The following DNAH1 variants were observed in gnomAD, a reference collection of about 807,000 sequenced individuals.
DNAH1 encodes axonemal beta dynein heavy chain 1.
A neutral mutation model predicts 484.3 loss-of-function variants in DNAH1; 327 were observed. The observed-to-expected ratio is 0.68, with a 90% CI of 0.62 to 0.74. The LOEUF is 0.74. DNAH1 is among the 30% of genes least tolerant of loss of function. The probability of loss-of-function intolerance (pLI) is 0.00; values close to 1 mark genes in which losing one functional copy is unlikely to be tolerated. For missense variants in DNAH1, 5,052 were observed against 5,546.8 expected (o/e 0.91, Z 2.83); for synonymous variants, 2,192 against 2,191.9 (o/e 1.00, Z 0.00).
chr3:52,337,284 C>T (rs571750548), intron 8 of DNAH1, among the ~76,000 whole-genome samples: 2 of 152,174 alleles, frequency 1.3e-5, no homozygotes, highest in South Asian at 4.2e-4. Flanking sequence ...TTTTGTTTCC[C>T]GAAACTTCAC....
At chr3:52,315,789 C>T (rs1054983111), upstream of DNAH1, among the ~76,000 whole-genome samples, 6 of 152,198 alleles carry the variant, frequency 3.9e-5, no homozygotes, top group African/African-American at 1.4e-4. Context: ...GGCAGGAAGA[C>T]CAAAGCCTGA....
chr3:52,312,314 A>G (rs1700800237), upstream of DNAH1, among the ~76,000 whole-genome samples: 2 of 152,022 alleles, frequency 1.3e-5, no homozygotes, highest in Non-Finnish European at 1.5e-5. Context: ...AGACGGGGGT[A>G]TCTTGGGTCA....
chr3:52,358,572 G>A lies in DNAH1; in HGVS notation c.4101G>A (p.Glu1367=), dbSNP rs932629353. 8.7e-6 allele frequency: 14 copies of A among 1,609,892 alleles called. No homozygotes were observed. The highest frequency in any genetic ancestry group is 1.2e-5 in the Non-Finnish European group (14 of 1,178,326). ...FENIARLLFQ[E]DLEITHMYSA... ...ACTGCTTGCAGCTGCTATTCCAGGAGGACCTGGAGATCACGCACATGTACT... is the reference window on the plus strand; with the variant it reads ...ACTGCTTGCAGCTGCTATTCCAGGAAGACCTGGAGATCACGCACATGTACT... Residue 1367 remains glutamate, a synonymous_variant, in exon 25 of 78, where the codon GAG becomes GAA. Coordinates refer to ENST00000420323, the MANE Select transcript of DNAH1 (RefSeq NM_015512.5). The surrounding 1 kb of genome is among the most constrained non-coding windows in gnomAD (Gnocchi z 4.2).
intron 8 of DNAH1, among the ~76,000 whole-genome samples, chr3:52,333,946 G>A (rs953393505): frequency 7.2e-5 from 11 of 152,174 alleles, no homozygotes; most frequent in African/African-American, 2.4e-4. Flanking sequence ...TGTATCAAGT[G>A]CATTTTAAAC....
At chr3:52,312,636 A>G (rs898146664), upstream of DNAH1, among the ~76,000 whole-genome samples, 6 of 151,208 alleles carry the variant, frequency 4.0e-5, no homozygotes, top group African/African-American at 1.5e-4. Context: ...ACGTCTGGCT[A>G]ATTTTCGTAT....
chr3:52,344,679 G>T, intron 9 of DNAH1, 32 bp downstream of exon 9: 1 of 1,599,662 alleles, frequency 6.3e-7, no homozygotes, highest in Non-Finnish European at 8.5e-7. Context: ...TGGGCTCCAT[G>T]GCCATCCACC....
At chr3:52,317,494 C>T (rs993645659) in intron 1 of DNAH1, among the ~76,000 whole-genome samples, 1 of 152,242 alleles carries the variant, frequency 6.6e-6, no homozygotes, top group African/African-American at 2.4e-5. Context: ...TAAATGCCAA[C>T]TTCCAGTTCG....
rs1399793814 is a variant in DNAH1, at chr3:52,362,130, G to T, written c.4981-258G>T. ...CTTGGCTGGAGCTGGGGAATTGGGG[G>T]TGGAGCGAGTGGGAAGCAGGAGATG... On this transcript the variant is annotated intron_variant, in intron 30 of 77. Transcript: ENST00000420323. This position sits in a 1 kb window ranked among gnomAD's most constrained non-coding sequence, Gnocchi z 5.1. 6.6e-6 allele frequency among the ~76,000 whole-genome samples: 1 copy of T among 152,254 alleles called. No homozygotes were observed. Among genetic ancestry groups the T allele is most frequent in the Non-Finnish European group, 1.5e-5 (1 of 68,048 alleles).
At position 52,395,709 on chromosome 3, in the gene DNAH1, GGGGC is replaced by G. The variant is rs746909461; in HGVS notation, c.11259+32_11259+35del. On this transcript the variant is annotated intron_variant, in intron 70 of 77. Coordinates refer to ENST00000420323, the MANE Select transcript of DNAH1 (RefSeq NM_015512.5). This position sits in a 1 kb window ranked among gnomAD's most constrained non-coding sequence, Gnocchi z 4.4. The stretch of plus-strand genomic sequence containing the variant: ...TTGCCCTGCCCATCACAGACCCAGT[GGGGC>G]CGCCTCTGCATCCATCAGGGACTAA... The G allele has an allele frequency of 2.5e-6, 4 of 1,604,306 alleles. No individual in the cohort carries two copies. In the South Asian group the frequency reaches 4.4e-5, roughly 18 times the overall value.
chr3:52,361,183 G>T lies in DNAH1; in HGVS notation c.4705G>T (p.Gly1569Ter), dbSNP rs758847297. 6.2e-7 allele frequency: 1 copy of T among 1,609,922 alleles called. No individual in the cohort carries two copies. Among genetic ancestry groups the T allele is most frequent in the Non-Finnish European group, 8.5e-7 (1 of 1,178,370 alleles). The change falls in exon 29 of 78, where the codon GGA becomes TGA. Residue 1569 changes from glycine to a stop codon, truncating the protein, a stop_gained. Coordinates refer to ENST00000420323, the MANE Select transcript of DNAH1 (RefSeq NM_015512.5). LOFTEE classifies it high-confidence loss of function. This position sits in a 1 kb window ranked among gnomAD's most constrained non-coding sequence, Gnocchi z 5.6. Reference sequence around the variant, plus strand: ...CTGCAGGTGCTACCTGACACTGACCGGAGCTCTGCACCTCAAGTTTGGGGG... The same window carrying T: ...CTGCAGGTGCTACCTGACACTGACCTGAGCTCTGCACCTCAAGTTTGGGGG... ...LTDRCYLTLTGALHLKFGGAP... is the reference protein window; with the variant it reads ...LTDRCYLTLT
At position 52,349,970 on chromosome 3, in the gene DNAH1, C is replaced by A; in HGVS notation, c.2527-19C>A. 6.3e-7 allele frequency: 1 copy of A among 1,593,644 alleles called. No homozygotes were observed. The highest frequency in any genetic ancestry group is 8.5e-7 in the Non-Finnish European group (1 of 1,170,624). On this transcript the variant is annotated intron_variant, in intron 14 of 77. Transcript: ENST00000420323. ...GGGAGCAGCATGCTGCCCTCCCCAG[C>A]GCCTCCTCCCACTGCCAGATCTGCG... is the stretch of plus-strand genomic sequence containing the variant.
intron 44 of DNAH1, chr3:52,374,385 G>A (rs1703491414): frequency 7.2e-7 from 1 of 1,379,406 alleles, no homozygotes; most frequent in African/African-American, 1.4e-5. Flanking sequence ...GCAGTTTTTA[G>A]AAAAGGACAG....
chr3:52,310,943 G>C, the DNAH1 span, among the ~76,000 whole-genome samples: 1 of 152,226 alleles, frequency 6.6e-6, no homozygotes, highest in African/African-American at 2.4e-5. Context: ...AGGGTGGGTG[G>C]TGTTTGTGGG....
rs758781546 is a variant in DNAH1, at chr3:52,398,150, A to C, written c.12077A>C (p.Gln4026Pro). The change falls in exon 75 of 78, where the codon CAA (glutamine) becomes CCA (proline). Residue 4026 changes from glutamine to proline, a missense_variant. Physicochemically the swap from Gln to Pro is moderately conservative, Grantham distance 76. Coordinates refer to ENST00000420323, the MANE Select transcript of DNAH1 (RefSeq NM_015512.5). Reference sequence around the variant, plus strand: ...GAATCAATGAACACAGTACTAGTACAAGAGGTCATTAGGTAATCACCCCGC... The same window carrying C: ...GAATCAATGAACACAGTACTAGTACCAGAGGTCATTAGGTAATCACCCCGC... ...YEESMNTVLV[Q>P]EVIRYNRLLQ... 6.2e-7 allele frequency: 1 copy of C among 1,606,936 alleles called. No individual in the cohort carries two copies. The highest frequency in any genetic ancestry group is 2.2e-5 in the East Asian group (1 of 44,846).
Position 52,365,009 on chromosome 3 carries a change from G to C in DNAH1, c.5508G>C (p.Lys1836Asn), listed in dbSNP as rs754526811. ...IREACRNSNL[K>N]DVEGFLTKCI... ...AGGCCTGCAGGAACAGCAACCTCAA[G>C]GATGTGGAGGGTGAGCCTCGGGCCC... The change falls in exon 34 of 78, where the codon AAG (lysine) becomes AAC (asparagine). Residue 1836 changes from lysine to asparagine, a missense_variant. Physicochemically the swap from Lys to Asn is moderately conservative, Grantham distance 94 (BLOSUM62 0). Coordinates refer to ENST00000420323, the MANE Select transcript of DNAH1 (RefSeq NM_015512.5). 1 of 1,608,906 alleles carries C rather than the reference G, an allele frequency of 6.2e-7. No homozygotes were observed. The highest frequency in any genetic ancestry group is 1.3e-5 in the African/African-American group (1 of 74,850).
In DNAH1 at chr3:52,397,761, G is replaced by C. The variant is rs1704699850; in HGVS notation, c.11842G>C (p.Gly3948Arg). 6.2e-7 allele frequency: 1 copy of C among 1,613,672 alleles called. No homozygotes were observed. Among genetic ancestry groups the C allele is most frequent in the African/African-American group, 1.3e-5 (1 of 74,916 alleles). ...LPLNDMPEIF[G>R]LHDNANITFA... ...ACTCAATGATATGCCTGAGATCTTT[G>C]GCCTGCATGACAATGCCAACATCAC... Residue 3948 changes from glycine (G) to arginine (R), a missense_variant, in exon 74 of 78, where the codon GGC becomes CGC. Physicochemically the swap from Gly to Arg is moderately radical, Grantham distance 125. Around this residue, in one of 4 missense-constraint regions of DNAH1, gnomAD observed 853 missense variants for 899.0 expected, o/e 0.95. Coordinates refer to ENST00000420323, the MANE Select transcript of DNAH1 (RefSeq NM_015512.5).
intron 44 of DNAH1, chr3:52,374,773 T>C: frequency 9.1e-7 from 1 of 1,099,952 alleles, no homozygotes; most frequent in Non-Finnish European, 1.4e-6. Context: ...CAAAAGCTGT[T>C]TGATGACTGT....
chr3:52,384,223 C>G (rs980657045), intron 52 of DNAH1, among the ~76,000 whole-genome samples, 192 bp downstream of exon 52: 3 of 152,264 alleles, frequency 2.0e-5, no homozygotes, highest in African/African-American at 4.8e-5. Flanking sequence ...ATCACAGTGA[C>G]TAGGGTGCTG....
chr3:52,382,777 AC>A (rs889680477), intron 50 of DNAH1, among the ~76,000 whole-genome samples: 1 of 152,210 alleles, frequency 6.6e-6, no homozygotes, highest in African/African-American at 2.4e-5. Context: ...AGTGCTAGGG[AC>A]CCATGGCTTC....
Sources: allele counts gnomAD v4.1 joint callset (sites outside exome capture counted in the v4.1 genomes callset), GRCh38; gene constraint gnomAD v4.1.1; regional missense constraint gnomAD v4.1.1; non-coding constraint Gnocchi (gnomAD v3.1); transcripts MANE v1.5; gene names NCBI Gene and HGNC (gene_info 2026-07-23, HGNC 2026-07-21).